The following CCNY variants were observed in gnomAD, a reference collection of about 807,000 sequenced individuals.
CCNY encodes cyclin Y, also known as cyclin-Y.
A neutral mutation model predicts 42.8 loss-of-function variants in CCNY; 19 were observed. The observed-to-expected ratio is 0.44, with a 90% CI of 0.31 to 0.65. CCNY has a LOEUF of 0.65. Among genes scored for constraint, CCNY ranks in the 30% least tolerant of loss-of-function variants. CCNY has a pLI of 0.07. For synonymous variants in CCNY, 165 were observed against 162.7 expected (o/e 1.01, Z -0.11); for missense variants, 370 against 437.3 (o/e 0.85, Z 1.37).
At chr10:35,475,545 A>G (rs1168868832) in intron 1 of CCNY, among the ~76,000 whole-genome samples, 2 of 151,740 alleles carry the variant, frequency 1.3e-5, no homozygotes, top group South Asian at 2.1e-4. Context: ...AGTAAGCTTC[A>G]TAAGTGAAGG....
chr10:35,434,371 C>T (rs1442396730), intron 1 of CCNY, among the ~76,000 whole-genome samples: 1 of 152,188 alleles, frequency 6.6e-6, no homozygotes, highest in East Asian at 1.9e-4. Flanking sequence ...ATGGAGTGCC[C>T]AGCTGAGCGC....
chr10:35,364,518 G>C (rs1241021243), intron 1 of CCNY, among the ~76,000 whole-genome samples: 1 of 152,038 alleles, frequency 6.6e-6, no homozygotes, highest in Non-Finnish European at 1.5e-5. Context: ...TTGTGGTGGG[G>C]GCACATATGC....
Position 35,538,146 on chromosome 10 carries a change from G to A in CCNY, c.579+7903G>A, listed in dbSNP as rs367952741. Among the ~76,000 whole-genome samples the A allele has an allele frequency of 2.6e-5, 4 of 152,256 alleles. No homozygotes were observed. In the East Asian group the frequency reaches 7.7e-4, roughly 29 times the overall value. ...GCCTGCTGCCATCCATGTAAGACGT[G>A]ACCTGCTCCTCCTTGCCTTCCACCA... On this transcript the variant is annotated intron_variant, in intron 7 of 9. Coordinates refer to ENST00000374704, the MANE Select transcript of CCNY (RefSeq NM_145012.6).
At chr10:35,351,342 C>T (rs1234966897) in intron 1 of CCNY, among the ~76,000 whole-genome samples, 2 of 152,188 alleles carry the variant, frequency 1.3e-5, no homozygotes, top group African/African-American at 4.8e-5. Flanking sequence ...GCTGCCAAAC[C>T]TTGATTACTT....
intron 3 of CCNY, among the ~76,000 whole-genome samples, chr10:35,263,640 A>T (rs1459301593): frequency 1.3e-5 from 2 of 152,026 alleles, no homozygotes; most frequent in Non-Finnish European, 2.9e-5. Flanking sequence ...CATTAAAGAC[A>T]TTTTTACTTT....
At chr10:35,560,448 G>T (rs563708100) in intron 8 of CCNY, among the ~76,000 whole-genome samples, 1 of 152,272 alleles carries the variant, frequency 6.6e-6, no homozygotes, top group Non-Finnish European at 1.5e-5. Flanking sequence ...AAGAAGAAGA[G>T]ATCAGAACAC....
intron 1 of CCNY, among the ~76,000 whole-genome samples, chr10:35,435,708 G>A (rs923662868): frequency 2.6e-5 from 4 of 152,150 alleles, no homozygotes; most frequent in Non-Finnish European, 4.4e-5. Context: ...CGAGCTGTTG[G>A]TACAATCAGA....
chr10:35,548,330 G>A (rs1363542043), intron 7 of CCNY, among the ~76,000 whole-genome samples: 3 of 146,200 alleles, frequency 2.1e-5, no homozygotes, highest in Non-Finnish European at 3.0e-5. Flanking sequence ...ACGGAATCTC[G>A]CTGTGTCACC....
chr10:35,294,753 T>A (rs557178396), intron 3 of CCNY, among the ~76,000 whole-genome samples: 38 of 152,336 alleles, frequency 2.5e-4, no homozygotes, highest in African/African-American at 9.1e-4. Context: ...AATACTGGCA[T>A]AATAGAATGA....
intron 3 of CCNY, among the ~76,000 whole-genome samples, chr10:35,285,820 G>GTTTTTA (rs368288145): frequency 2.0e-5 from 3 of 151,860 alleles, no homozygotes; most frequent in African/African-American, 7.3e-5. Context: ...TTTTGTTTTT[G>GTTTTTA]TTTTTGTTTG....
intron 3 of CCNY, among the ~76,000 whole-genome samples, chr10:35,294,462 A>AG (rs1835448306): frequency 1.3e-5 from 2 of 152,210 alleles, no homozygotes; most frequent in African/African-American, 4.8e-5. Flanking sequence ...TGTTTTTATT[A>AG]TGAAAGATTG....
intron 1 of CCNY, among the ~76,000 whole-genome samples, chr10:35,342,667 G>A (rs185558942): frequency 9.1e-4 from 138 of 152,256 alleles, no homozygotes; most frequent in African/African-American, 3.1e-3. Context: ...TTAATTTTCG[G>A]CCAACAACCG....
intron 7 of CCNY, among the ~76,000 whole-genome samples, chr10:35,539,404 G>A (rs1463274900): frequency 6.6e-6 from 1 of 152,176 alleles, no homozygotes; most frequent in Non-Finnish European, 1.5e-5. Flanking sequence ...TTCTAACATG[G>A]AATATCTTTC....
chr10:35,336,672 C>CGGGGAAGCGGACACCAACT lies in CCNY; in HGVS notation c.-372_-354dup, dbSNP rs1421004097. On this transcript the variant is annotated 5_prime_UTR_variant, in exon 1 of 10. Coordinates refer to ENST00000374704, the MANE Select transcript of CCNY (RefSeq NM_145012.6). ...AGGCGGCCGCCGTCGCCGCAGCCGCCGGGGAAGCGGACACCAACTGGGGAA... is the reference window on the plus strand; with the variant it reads ...AGGCGGCCGCCGTCGCCGCAGCCGCCGGGGAAGCGGACACCAACTGGGGAAGCGGACACCAACTGGGGAA... Among the ~76,000 whole-genome samples, 5 of 146,296 alleles carry CGGGGAAGCGGACACCAACT rather than the reference C, an allele frequency of 3.4e-5. No homozygotes were observed. The highest frequency in any genetic ancestry group is 9.9e-5 in the African/African-American group (4 of 40,398).
Position 35,466,102 on chromosome 10 carries a change from T to C in CCNY, c.155-17302T>C, listed in dbSNP as rs1839264523. On this transcript the variant is annotated intron_variant, in intron 1 of 9. Transcript: ENST00000374704. The stretch of plus-strand genomic sequence containing the variant: ...AAGACATTTTAACTAATTTACCGGC[T>C]CATTTCTGTAGTCAGCACACATTTT... Among the ~76,000 whole-genome samples, 3 of 152,032 alleles carry C rather than the reference T, an allele frequency of 2.0e-5. No homozygotes were observed. The South Asian group carries it at 6.2e-4, about 32-fold the overall frequency.
intron 7 of CCNY, among the ~76,000 whole-genome samples, chr10:35,546,293 C>T (rs1431534250): frequency 1.3e-5 from 2 of 152,212 alleles, no homozygotes; most frequent in Non-Finnish European, 2.9e-5. Context: ...TTGCATATAT[C>T]CTCAATTCCA....
At chr10:35,411,766 G>A (rs1022905185) in intron 1 of CCNY, among the ~76,000 whole-genome samples, 3 of 152,088 alleles carry the variant, frequency 2.0e-5, no homozygotes, top group Admixed American at 2.0e-4. Flanking sequence ...TTCTTCCATG[G>A]TCAGGCCATA....
At chr10:35,409,407 A>G (rs755962342) in intron 1 of CCNY, among the ~76,000 whole-genome samples, 17 of 152,302 alleles carry the variant, frequency 1.1e-4, no homozygotes, top group Admixed American at 2.0e-4. Flanking sequence ...GTGTGCTGCC[A>G]CTGCAGCTGC....
Position 35,515,651 on chromosome 10 carries a change from G to A in CCNY, c.265-872G>A, listed in dbSNP as rs146917517. ...AGACATTCAACATAGCATCAGGCACGTGGAAACTTGTTTGCATAATTTAAC... is the reference window on the plus strand; with the variant it reads ...AGACATTCAACATAGCATCAGGCACATGGAAACTTGTTTGCATAATTTAAC... On this transcript the variant is annotated intron_variant, in intron 3 of 9. Transcript: ENST00000374704. Among the ~76,000 whole-genome samples, 456 of 152,282 alleles carry A rather than the reference G, an allele frequency of 3.0e-3. 5 individuals are homozygous for A. Among genetic ancestry groups the A allele is most frequent in the African/African-American group, 0.011 (448 of 41,556 alleles).
Sources: allele counts gnomAD v4.1 joint callset (sites outside exome capture counted in the v4.1 genomes callset), GRCh38; gene constraint gnomAD v4.1.1; transcripts MANE v1.5; gene names NCBI Gene and HGNC (gene_info 2026-07-23, HGNC 2026-07-21).